Variants in ST8SIA4 observed in about 807,000 individuals in gnomAD.
ST8SIA4 encodes the protein ST8 alpha-N-acetyl-neuraminide alpha-2,8-sialyltransferase 4, also known as CMP-N-acetylneuraminate-poly-alpha-2,8-sialyltransferase.
A neutral mutation model predicts 33.9 loss-of-function variants in ST8SIA4; 15 were observed. The ratio of observed to expected loss-of-function variants is 0.44; its 90% CI spans 0.30 to 0.68. ST8SIA4 has a LOEUF of 0.68. Ranked by LOEUF, ST8SIA4 falls within the 30% of genes least tolerant of loss-of-function variation. The pLI, the probability that ST8SIA4 is intolerant of heterozygous loss-of-function variation, is 0.10. For synonymous variants in ST8SIA4, 171 were observed against 151.2 expected (o/e 1.13, Z -0.96); for missense variants, 321 against 428.0 (o/e 0.75, Z 2.21).
At chr5:100,828,722 T>A (rs1177743216) in intron 4 of ST8SIA4, among the ~76,000 whole-genome samples, 1 of 152,132 alleles carries the variant, frequency 6.6e-6, no homozygotes, top group South Asian at 2.1e-4. Flanking sequence ...CAGAAGACTG[T>A]GTGGGATGTG....
chr5:100,890,726 C>T lies in ST8SIA4; in HGVS notation c.246-4126G>A, dbSNP rs543989646. ...GTGATCCTAATTCAACTTTTGAATC[C>T]TCATTAGATAAGCAAACACCTAAAT... On this transcript the variant is annotated intron_variant, in intron 2 of 4. Coordinates refer to ENST00000231461, the MANE Select transcript of ST8SIA4 (RefSeq NM_005668.6). 3 of 151,914 alleles carry T rather than the reference C, an allele frequency of 2.0e-5. No individual in the cohort carries two copies. The South Asian group carries it at 6.2e-4, about 32-fold the overall frequency. 9.4% of individuals were successfully genotyped at this position (151,914 alleles called of 1,614,324 possible).
At position 100,811,719 on chromosome 5, in the gene ST8SIA4, G is replaced by A. The variant is rs1750820119; in HGVS notation, c.*128C>T. 1.1e-6 allele frequency: 1 copy of A among 931,938 alleles called. No homozygotes were observed. Among genetic ancestry groups the A allele is most frequent in the Non-Finnish European group, 1.6e-6 (1 of 634,698 alleles). The allele number at this position is 931,938 out of a possible 1,614,324, so 57.7% of individuals were successfully genotyped here. Reference sequence around the variant, plus strand: ...CATCAGCTGGTAGTCGATTTCTCATGAACGTCCTTTATTCACCTTTCAGTT... The same window carrying A: ...CATCAGCTGGTAGTCGATTTCTCATAAACGTCCTTTATTCACCTTTCAGTT... On this transcript the variant is annotated 3_prime_UTR_variant, in exon 5 of 5. Coordinates refer to ENST00000231461, the MANE Select transcript of ST8SIA4 (RefSeq NM_005668.6).
intron 4 of ST8SIA4, among the ~76,000 whole-genome samples, chr5:100,850,853 G>A (rs2112433401): frequency 6.6e-6 from 1 of 150,704 alleles, no homozygotes; most frequent in African/African-American, 2.4e-5. Flanking sequence ...ATGAATAAGA[G>A]TAAATATTAA....
intron 3 of ST8SIA4, among the ~76,000 whole-genome samples, chr5:100,870,016 G>C (rs1260503865): frequency 1.3e-5 from 2 of 152,062 alleles, no homozygotes; most frequent in Admixed American, 6.6e-5. Flanking sequence ...CCCACGACAG[G>C]CCCTGGTGTG....
chr5:100,879,980 A>C (rs1177678921), intron 3 of ST8SIA4, among the ~76,000 whole-genome samples: 4 of 152,130 alleles, frequency 2.6e-5, no homozygotes, highest in Admixed American at 2.6e-4. Context: ...AACCAAGTAC[A>C]TTATTATGGT....
intron 3 of ST8SIA4, among the ~76,000 whole-genome samples, chr5:100,864,691 G>A (rs1232430545): frequency 6.6e-6 from 1 of 150,636 alleles, no homozygotes; most frequent in African/African-American, 2.5e-5. Flanking sequence ...TATTCCCACT[G>A]CCAAAGTATC....
chr5:100,829,920 A>T (rs1043095679), intron 4 of ST8SIA4, among the ~76,000 whole-genome samples: 4 of 152,188 alleles, frequency 2.6e-5, no homozygotes, highest in African/African-American at 9.6e-5. Flanking sequence ...AAAAAAAAAA[A>T]AAAGAATTAC....
At chr5:100,873,681 C>G (rs999386448) in intron 3 of ST8SIA4, among the ~76,000 whole-genome samples, 1 of 152,088 alleles carries the variant, frequency 6.6e-6, no homozygotes, top group Admixed American at 6.6e-5. Context: ...TTGAGAGTTT[C>G]TACAATCTCC....
At position 100,903,020 on chromosome 5, in the gene ST8SIA4, G is replaced by A; in HGVS notation, c.-65C>T. The A allele has an allele frequency of 3.5e-6, 4 of 1,158,442 alleles. No homozygotes were observed. In the South Asian group the frequency reaches 3.7e-5, roughly 11 times the overall value. 71.8% of individuals were successfully genotyped at this position (1,158,442 alleles called of 1,614,324 possible). A position where few individuals can be genotyped will look rare whatever the true frequency, so the allele number is the denominator to read the frequency against. ...CACCTTCTCTTGATATAAAGGCTCCGTTTTGGGGAGATAGTCGCGGGGGTG... is the reference window on the plus strand; with the variant it reads ...CACCTTCTCTTGATATAAAGGCTCCATTTTGGGGAGATAGTCGCGGGGGTG... On this transcript the variant is annotated 5_prime_UTR_variant, in exon 1 of 5. It adds an upstream start codon to the 5' untranslated region. Coordinates refer to ENST00000231461, the MANE Select transcript of ST8SIA4 (RefSeq NM_005668.6).
At position 100,902,828 on chromosome 5, in the gene ST8SIA4, A is replaced by C; in HGVS notation, c.113+15T>G. 47 of 1,596,908 alleles carry C rather than the reference A, an allele frequency of 2.9e-5. No individual in the cohort carries two copies. Among genetic ancestry groups the C allele is most frequent in the Non-Finnish European group, 3.9e-5 (45 of 1,164,348 alleles). On this transcript the variant is annotated intron_variant, in intron 1 of 4. Transcript: ENST00000231461. Reference sequence around the variant, plus strand: ...TGACTTTTTGTCATATCCTGAAATGAAGCTTTGCATTTACCCGATGAGTTG... The same window carrying C: ...TGACTTTTTGTCATATCCTGAAATGCAGCTTTGCATTTACCCGATGAGTTG...
chr5:100,838,827 G>C (rs1751414839), intron 4 of ST8SIA4, among the ~76,000 whole-genome samples: 1 of 151,898 alleles, frequency 6.6e-6, no homozygotes, highest in Non-Finnish European at 1.5e-5. Flanking sequence ...GCTTTGAATA[G>C]ACTAGCAAAT....
At chr5:100,881,390 G>A (rs1333947695) in intron 3 of ST8SIA4, among the ~76,000 whole-genome samples, 1 of 152,116 alleles carries the variant, frequency 6.6e-6, no homozygotes, top group Non-Finnish European at 1.5e-5. Flanking sequence ...AAGAGAAAGC[G>A]CCTGGGAAAT....
intron 4 of ST8SIA4, among the ~76,000 whole-genome samples, chr5:100,850,830 A>T (rs1325554934): frequency 6.6e-6 from 1 of 151,964 alleles, no homozygotes; most frequent in Non-Finnish European, 1.5e-5. Flanking sequence ...GTATAAACAG[A>T]CAAAAAGGAT....
Position 100,811,539 on chromosome 5 carries a change from T to C in ST8SIA4, c.*308A>G. The C allele has an allele frequency of 4.6e-6, 1 of 216,198 alleles. No homozygotes were observed. Among genetic ancestry groups the C allele is most frequent in the Non-Finnish European group, 9.3e-6 (1 of 108,060 alleles). 13.4% of individuals were successfully genotyped at this position (216,198 alleles called of 1,614,324 possible). A position where few individuals can be genotyped will look rare whatever the true frequency, so the allele number is the denominator to read the frequency against. On this transcript the variant is annotated 3_prime_UTR_variant, in exon 5 of 5. Coordinates refer to ENST00000231461, the MANE Select transcript of ST8SIA4 (RefSeq NM_005668.6). Reference sequence around the variant, plus strand: ...GTTGCTGTGGGCAGCCTGACAGTGATGAACATATTTGCTTTGTTAACTAAT... The same window carrying C: ...GTTGCTGTGGGCAGCCTGACAGTGACGAACATATTTGCTTTGTTAACTAAT...
chr5:100,816,505 C>A (rs1334056889), intron 4 of ST8SIA4: 1 of 526,440 alleles, frequency 1.9e-6, no homozygotes, highest in African/African-American at 1.9e-5. Context: ...GCAAAAGTAA[C>A]TGCAGTTTTT....
chr5:100,842,251 C>G lies in ST8SIA4; in HGVS notation c.797+13852G>C, dbSNP rs1751485980. The stretch of plus-strand genomic sequence containing the variant: ...ATTAGCTTATTAATTTTGAAACTGA[C>G]AGCAATTCTGGTGTATGCATCTGTT... On this transcript the variant is annotated intron_variant, in intron 4 of 4. Transcript: ENST00000231461. 2.6e-5 allele frequency among the ~76,000 whole-genome samples: 4 copies of G among 151,764 alleles called. No homozygotes were observed. The South Asian group carries it at 8.3e-4, about 31-fold the overall frequency.
At chr5:100,854,616 A>C (rs1751775852) in intron 4 of ST8SIA4, among the ~76,000 whole-genome samples, 1 of 152,076 alleles carries the variant, frequency 6.6e-6, no homozygotes, top group Admixed American at 6.6e-5. Flanking sequence ...AAACACAAAA[A>C]ACAAAAAAAG....
intron 3 of ST8SIA4, among the ~76,000 whole-genome samples, chr5:100,859,992 T>C (rs1334497314): frequency 6.6e-6 from 1 of 152,138 alleles, no homozygotes; most frequent in Non-Finnish European, 1.5e-5. Context: ...ATCTATCCAA[T>C]TTTTTAATTC....
chr5:100,886,328 C>A lies in ST8SIA4; in HGVS notation c.503+15G>T, dbSNP rs1234649214. 9 of 1,603,036 alleles carry A rather than the reference C, an allele frequency of 5.6e-6. No individual in the cohort carries two copies. The highest frequency in any genetic ancestry group is 7.7e-6 in the Non-Finnish European group (9 of 1,172,650). On this transcript the variant is annotated intron_variant, in intron 3 of 4. Transcript: ENST00000231461. ...TTGAAAAACTTACAATCTCAAAAAGCAGAAGAAAGCTCACCTTATTACAAA... is the reference window on the plus strand; with the variant it reads ...TTGAAAAACTTACAATCTCAAAAAGAAGAAGAAAGCTCACCTTATTACAAA...
Sources: allele counts gnomAD v4.1 joint callset (sites outside exome capture counted in the v4.1 genomes callset), GRCh38; gene constraint gnomAD v4.1.1; transcripts MANE v1.5; gene names NCBI Gene and HGNC (gene_info 2026-07-23, HGNC 2026-07-21).